Variants in LANCL3 observed in about 807,000 individuals in gnomAD.
LANCL3 encodes LanC like family member 3.
In LANCL3, 19 loss-of-function variants were observed where a neutral mutation model predicts 26.5. The ratio of observed to expected loss-of-function variants is 0.72; its 90% CI spans 0.50 to 1.05. LANCL3 has a LOEUF of 1.05. LANCL3 is among the 50% of genes least tolerant of loss of function. The probability of loss-of-function intolerance (pLI) is 0.00; values close to 1 mark genes in which losing one functional copy is unlikely to be tolerated. For missense variants in LANCL3, 318 were observed against 362.7 expected, an observed-to-expected ratio of 0.88 and a Z score of 1.00; for synonymous variants, 160 against 166.6, an observed-to-expected ratio of 0.96 and a Z score of 0.30.
chrX:37,650,857 C>A (rs1280877051), intron 1 of LANCL3, among the ~76,000 whole-genome samples: 1 of 105,305 alleles, frequency 9.5e-6, no homozygotes, highest in Non-Finnish European at 1.9e-5. Flanking sequence ...TCATTTATAT[C>A]TCCTAATGCT....
At position 37,680,865 on chromosome X, in the gene LANCL3, G is replaced by A. The variant is rs141028383; in HGVS notation, c.*5052G>A. The A allele has an allele frequency of 1.9e-4, 21 of 111,530 alleles. No homozygotes were observed. The East Asian group carries it at 5.8e-3, about 31-fold the overall frequency. The allele number at this position is 111,530 out of a possible 1,213,427, so 9.2% of individuals were successfully genotyped here. On this transcript the variant is annotated 3_prime_UTR_variant, in exon 5 of 5. Transcript: ENST00000378619. ...TGTGTGTGTGTGTGTGTAAGTAGTT[G>A]AGTGAAAAAGAATGAGACTGACTTA...
chrX:37,573,812 C>A (rs1923667808), intron 1 of LANCL3, among the ~76,000 whole-genome samples: 2 of 109,194 alleles, frequency 1.8e-5, no homozygotes, highest in East Asian at 5.7e-4. Context: ...GCCTTGAGGC[C>A]TTTTTTCCAG....
intron 1 of LANCL3, among the ~76,000 whole-genome samples, chrX:37,655,409 C>A (rs1926257762): frequency 8.9e-6 from 1 of 112,040 alleles, no homozygotes. Flanking sequence ...AATGATATGA[C>A]AGCCATAAGG....
At chrX:37,581,603 T>G (rs547255853) in intron 1 of LANCL3, among the ~76,000 whole-genome samples, 1 of 111,550 alleles carries the variant, frequency 9.0e-6, no homozygotes, top group Non-Finnish European at 1.9e-5. Context: ...AAGTAGTGCT[T>G]CTCCTCCAAC....
chrX:37,585,471 T>C (rs1924039548), intron 1 of LANCL3, among the ~76,000 whole-genome samples: 1 of 112,106 alleles, frequency 8.9e-6, no homozygotes, highest in Admixed American at 9.4e-5. Flanking sequence ...TTTATGAATC[T>C]GGGTGCTCCT....
chrX:37,589,068 A>T (rs1556418552), intron 1 of LANCL3, among the ~76,000 whole-genome samples: 1 of 112,349 alleles, frequency 8.9e-6, no homozygotes, highest in East Asian at 2.8e-4. Context: ...TGGCTATCTA[A>T]GGCCAAAGAG....
At chrX:37,665,428 C>T (rs1417818755) in intron 3 of LANCL3, among the ~76,000 whole-genome samples, 1 of 111,800 alleles carries the variant, frequency 8.9e-6, no homozygotes, top group Non-Finnish European at 1.9e-5. Context: ...ATGTATCCTT[C>T]AAAGTTCTGA....
intron 1 of LANCL3, among the ~76,000 whole-genome samples, chrX:37,629,924 C>A (rs1185517781): frequency 1.8e-5 from 2 of 110,512 alleles, no homozygotes; most frequent in African/African-American, 6.6e-5. Context: ...ATTGACTTGG[C>A]GATGCGGGCT....
chrX:37,581,866 T>C (rs1455742969), intron 1 of LANCL3, among the ~76,000 whole-genome samples: 6 of 111,299 alleles, frequency 5.4e-5, no homozygotes, highest in African/African-American at 2.0e-4. Flanking sequence ...CGTGCCATGT[T>C]GGTGTGCTGC....
In LANCL3 at chrX:37,682,933, C is replaced by A. The variant is rs1029856024; in HGVS notation, c.*7120C>A. ...ACTTTGAACATCTGGGGGAACTCTT[C>A]TTGGAAGTCTGAATTTTAATATCTT... On this transcript the variant is annotated 3_prime_UTR_variant, in exon 5 of 5. Transcript: ENST00000378619. 2.7e-5 allele frequency: 3 copies of A among 111,818 alleles called. No individual in the cohort carries two copies. The highest frequency in any genetic ancestry group is 9.5e-5 in the Admixed American group (1 of 10,560). The allele number at this position is 111,818 out of a possible 1,213,427, so 9.2% of individuals were successfully genotyped here. A position where few individuals can be genotyped will look rare whatever the true frequency, so the allele number is the denominator to read the frequency against.
In LANCL3 at chrX:37,572,531, GA is replaced by G. The variant is rs1556415875; in HGVS notation, c.573+89del. 5.1e-5 allele frequency: 40 copies of G among 790,772 alleles called. No homozygotes were observed. The African/African-American group carries it at 7.2e-4, about 14-fold the overall frequency. 65.2% of individuals were successfully genotyped at this position (790,772 alleles called of 1,213,427 possible). A position where few individuals can be genotyped will look rare whatever the true frequency, so the allele number is the denominator to read the frequency against. The stretch of plus-strand genomic sequence containing the variant: ...TCCGTGGCTCGGGCAGCACTGTCCC[GA>G]GTTGCTCTCCAAGTCTTTGTTACTC... On this transcript the variant is annotated intron_variant, in intron 1 of 4. Transcript: ENST00000378619.
Position 37,670,026 on chromosome X carries a change from C to A in LANCL3, c.1103+2537C>A, listed in dbSNP as rs1926643847. Among the ~76,000 whole-genome samples, 3 of 112,382 alleles carry A rather than the reference C, an allele frequency of 2.7e-5. No individual in the cohort carries two copies. The Admixed American group carries it at 2.8e-4, about 11-fold the overall frequency. On this transcript the variant is annotated intron_variant, in intron 4 of 4. Transcript: ENST00000378619. The stretch of plus-strand genomic sequence containing the variant: ...TTCACTATGCATGTATGATAATTAA[C>A]CAATCCTTAAATAATGGACACTTGA...
At chrX:37,629,880 C>G (rs1454452792) in intron 1 of LANCL3, among the ~76,000 whole-genome samples, 2 of 110,340 alleles carry the variant, frequency 1.8e-5, no homozygotes, top group Non-Finnish European at 3.8e-5. Flanking sequence ...AGTCAGGTAG[C>G]GTGATGCCTC....
rs1446643859 is a variant in LANCL3 at position 37,676,851 on chromosome X, C to G, written c.*1038C>G. The G allele has an allele frequency of 9.0e-6, 1 of 111,322 alleles. No homozygotes were observed. Among genetic ancestry groups the G allele is most frequent in the Non-Finnish European group, 1.9e-5 (1 of 52,994 alleles). 9.2% of individuals were successfully genotyped at this position (111,322 alleles called of 1,213,427 possible). Reference sequence around the variant, plus strand: ...ATGAGTGAATTCTGTGGTTGGTTACCTTACCTTCCAAGATACAGGGTCCAC... The same window carrying G: ...ATGAGTGAATTCTGTGGTTGGTTACGTTACCTTCCAAGATACAGGGTCCAC... On this transcript the variant is annotated 3_prime_UTR_variant, in exon 5 of 5. Transcript: ENST00000378619.
At chrX:37,655,984 A>C (rs1926275225) in intron 2 of LANCL3, among the ~76,000 whole-genome samples, 173 bp downstream of exon 2, 1 of 112,201 alleles carries the variant, frequency 8.9e-6, no homozygotes, top group African/African-American at 3.2e-5. Flanking sequence ...ATCACAAGTT[A>C]ATATTTGTTT....
At position 37,615,246 on chromosome X, in the gene LANCL3, G is replaced by T. The variant is rs1347114414; in HGVS notation, c.574-40442G>T. Among the ~76,000 whole-genome samples the T allele has an allele frequency of 6.3e-5, 7 of 111,981 alleles. No homozygotes were observed. The Admixed American group carries it at 6.7e-4, about 11-fold the overall frequency. On this transcript the variant is annotated intron_variant, in intron 1 of 4. Coordinates refer to ENST00000378619, the MANE Select transcript of LANCL3 (RefSeq NM_001170331.2). ...TTTGGATTCTAATTCAGTAGATCTG[G>T]GATGGGGCCTAGGAGTCTGCATTTC...
In LANCL3 at chrX:37,680,691, A is replaced by G. The variant is rs1556438603; in HGVS notation, c.*4878A>G. 3 of 111,704 alleles carry G rather than the reference A, an allele frequency of 2.7e-5. No individual in the cohort carries two copies. The highest frequency in any genetic ancestry group is 3.8e-4 in the South Asian group (1 of 2,641). The allele number at this position is 111,704 out of a possible 1,213,427, so 9.2% of individuals were successfully genotyped here. The stretch of plus-strand genomic sequence containing the variant: ...TTTGTCTTTCTTCTCCCTGTCCAAT[A>G]CTGAGGAAGAAGAGGGAGAAGGGGG... On this transcript the variant is annotated 3_prime_UTR_variant, in exon 5 of 5. Transcript: ENST00000378619.
At chrX:37,640,448 G>T (rs1176546478) in intron 1 of LANCL3, among the ~76,000 whole-genome samples, 1 of 111,521 alleles carries the variant, frequency 9.0e-6, no homozygotes, top group African/African-American at 3.3e-5. Flanking sequence ...CCCTTCCCCC[G>T]ACATGTGAGG....
intron 1 of LANCL3, among the ~76,000 whole-genome samples, chrX:37,641,382 T>C (rs73470182): frequency 0.23 from 25,376 of 109,043 alleles, 2,593 homozygotes; most frequent in African/African-American, 0.4. Context: ...CTCAGGGCCA[T>C]ATTACGACAA....
Sources: gnomAD v4.1 joint callset for allele counts (sites outside exome capture counted in the v4.1 genomes callset) on GRCh38, gnomAD v4.1.1 for gene constraint, MANE v1.5 for transcripts, NCBI Gene and HGNC (gene_info 2026-07-23, HGNC 2026-07-21) for gene names.